Variants in CELF2 observed in about 807,000 individuals in gnomAD.
The protein encoded by CELF2 is CUGBP Elav-like family member 2, also known as CUG triplet repeat RNA-binding protein 2.
Under a neutral mutation model 62.6 loss-of-function variants are expected in CELF2, and 8 were observed. The observed-to-expected ratio is 0.13, with a 90% CI of 0.07 to 0.23. The LOEUF (loss-of-function observed/expected upper bound fraction) is 0.23. CELF2 is among the 10% of genes least tolerant of loss of function. CELF2 has a pLI of 1.00. For missense variants in CELF2, 333 were observed against 671.0 expected, an observed-to-expected ratio of 0.50 and a Z score of 5.56; for synonymous variants, 258 against 250.0, an observed-to-expected ratio of 1.03 and a Z score of -0.30.
chr10:10,768,182 C>CAAAA, the CELF2 span, among the ~76,000 whole-genome samples: 2 of 148,934 alleles, frequency 1.3e-5, no homozygotes, highest in Admixed American at 6.7e-5. Context: ...AAAAAAAAAA[C>CAAAA]CAAAAAACTT....
the CELF2 span, among the ~76,000 whole-genome samples, chr10:10,525,355 T>A: frequency 6.6e-6 from 1 of 151,812 alleles, no homozygotes; most frequent in African/African-American, 2.4e-5. Context: ...TAAAACCTGA[T>A]GAGATTTTTT....
chr10:10,941,975 C>T (rs1413262708), intron 2 of CELF2, among the ~76,000 whole-genome samples: 1 of 128,682 alleles, frequency 7.8e-6, no homozygotes, highest in Non-Finnish European at 1.6e-5. Context: ...GCCTGGGTGA[C>T]AGTGAGACTC....
the CELF2 span, among the ~76,000 whole-genome samples, chr10:10,464,087 G>A: frequency 5.9e-5 from 9 of 151,776 alleles, no homozygotes; most frequent in African/African-American, 1.9e-4. Context: ...TAATTGTGTC[G>A]CTCTATATTT....
chr10:11,168,120 T>G (rs1323903863), intron 2 of CELF2, among the ~76,000 whole-genome samples: 5 of 152,166 alleles, frequency 3.3e-5, no homozygotes, highest in Admixed American at 1.3e-4. Flanking sequence ...TGAGTTGATT[T>G]CATTTCTGTC....
the CELF2 span, among the ~76,000 whole-genome samples, chr10:10,781,306 T>C: frequency 2.6e-5 from 4 of 152,378 alleles, no homozygotes; most frequent in East Asian, 5.8e-4. Context: ...TAGTATTTGG[T>C]ACAGTAACAT....
chr10:10,934,541 A>G lies in CELF2; in HGVS notation c.89+14542A>G, dbSNP rs1047911612. 7 of 152,354 alleles carry G rather than the reference A, an allele frequency of 4.6e-5. No homozygotes were observed. The highest frequency in any genetic ancestry group is 2.0e-4 in the Admixed American group (3 of 15,298). The allele number at this position is 152,354 out of a possible 1,614,324, so 9.4% of individuals were successfully genotyped here. Reference sequence around the variant, plus strand: ...AGAAAATATTGGGGAAAACTAATCAATATTATTTGCTTAAACTCAGGCAAT... The same window carrying G: ...AGAAAATATTGGGGAAAACTAATCAGTATTATTTGCTTAAACTCAGGCAAT... On this transcript the variant is annotated intron_variant, in intron 2 of 13. Coordinates refer to the CELF2 transcript ENST00000636488. The surrounding 1 kb of genome is among the most constrained non-coding windows in gnomAD (Gnocchi z 4.4).
intron 1 of CELF2, among the ~76,000 whole-genome samples, chr10:11,104,009 A>G (rs531589075): frequency 6.6e-6 from 1 of 152,342 alleles, no homozygotes; most frequent in Admixed American, 6.5e-5. Flanking sequence ...TCAGCAAAGC[A>G]TGAAAACTAT....
chr10:11,323,940 T>C (rs2095588850), intron 11 of CELF2, among the ~76,000 whole-genome samples: 1 of 151,856 alleles, frequency 6.6e-6, no homozygotes, highest in Non-Finnish European at 1.5e-5. Flanking sequence ...TTTTTCATTT[T>C]AATATTAAAA....
Position 11,305,926 on chromosome 10 carries a change from C to T in CELF2, c.977-8213C>T, listed in dbSNP as rs1303088518. 1.3e-5 allele frequency among the ~76,000 whole-genome samples: 2 copies of T among 152,192 alleles called. No individual in the cohort carries two copies. Among genetic ancestry groups the T allele is most frequent in the Non-Finnish European group, 2.9e-5 (2 of 68,040 alleles). ...TTCCTGTTCTCCACACCCCACCCTG[C>T]CCCACAAACAGTTTTCACAAAAGGC... On this transcript the variant is annotated intron_variant, in intron 9 of 12. Transcript: ENST00000633077. The surrounding 1 kb of genome is among the most constrained non-coding windows in gnomAD (Gnocchi z 4.8).
At chr10:10,547,332 C>T in the CELF2 span, among the ~76,000 whole-genome samples, 1 of 152,056 alleles carries the variant, frequency 6.6e-6, no homozygotes, top group Non-Finnish European at 1.5e-5. Flanking sequence ...ACAGTAATGG[C>T]CTTAATTGGT....
chr10:10,905,081 C>G (rs547284322), intron 1 of CELF2, among the ~76,000 whole-genome samples: 1 of 152,316 alleles, frequency 6.6e-6, no homozygotes, highest in African/African-American at 2.4e-5. Flanking sequence ...TTTGACTTCT[C>G]TGAGCCTCAA....
At chr10:11,235,917 TTCAC>T (rs2071084168) in intron 3 of CELF2, among the ~76,000 whole-genome samples, 1 of 152,220 alleles carries the variant, frequency 6.6e-6, no homozygotes, top group Non-Finnish European at 1.5e-5. Flanking sequence ...TATGTTTTCA[TTCAC>T]TCAGTACAAC....
intron 1 of CELF2, among the ~76,000 whole-genome samples, chr10:10,811,899 T>A (rs2055935248): frequency 6.6e-6 from 1 of 151,562 alleles, no homozygotes; most frequent in Non-Finnish European, 1.5e-5. Flanking sequence ...CCAGAGAGAG[T>A]GTTGTTAGGA....
intron 1 of CELF2, among the ~76,000 whole-genome samples, chr10:11,049,824 A>C (rs1386319588): frequency 6.6e-6 from 1 of 152,128 alleles, no homozygotes; most frequent in African/African-American, 2.4e-5. Flanking sequence ...CTTACAAAAC[A>C]CACCTTCACA....
chr10:11,254,460 G>C (rs944181144), intron 4 of CELF2, among the ~76,000 whole-genome samples: 3 of 152,238 alleles, frequency 2.0e-5, no homozygotes, highest in Non-Finnish European at 4.4e-5. Flanking sequence ...AAAAGTGCGA[G>C]TTATCTTTCT....
chr10:11,052,728 T>C (rs918974716), intron 1 of CELF2, among the ~76,000 whole-genome samples: 34 of 152,210 alleles, frequency 2.2e-4, no homozygotes, highest in African/African-American at 7.5e-4. Flanking sequence ...TTGTTCATTA[T>C]CTTGTTTGAT....
At chr10:11,235,054 A>G (rs557583024) in intron 3 of CELF2, among the ~76,000 whole-genome samples, 1 of 152,308 alleles carries the variant, frequency 6.6e-6, no homozygotes, top group Admixed American at 6.5e-5. Context: ...TGACTCACAT[A>G]CTTGGAATTG....
At chr10:10,619,632 G>A in the CELF2 span, among the ~76,000 whole-genome samples, 27 of 152,198 alleles carry the variant, frequency 1.8e-4, no homozygotes, top group East Asian at 5.8e-4. Context: ...CCTGGAAGGC[G>A]TAGCATTTAT....
intron 2 of CELF2, among the ~76,000 whole-genome samples, chr10:10,986,745 A>G (rs912727845): frequency 6.6e-6 from 1 of 152,194 alleles, no homozygotes; most frequent in African/African-American, 2.4e-5. Flanking sequence ...CAATCCCTCT[A>G]CAGGGCAATG....
Sources: gnomAD v4.1 joint callset for allele counts (sites outside exome capture counted in the v4.1 genomes callset) on GRCh38, gnomAD v4.1.1 for gene constraint, Gnocchi (gnomAD v3.1) non-coding constraint, MANE v1.5 for transcripts, NCBI Gene and HGNC (gene_info 2026-07-23, HGNC 2026-07-21) for gene names.